GNPTG: variants seen among roughly 807,000 people sequenced by gnomAD.
GNPTG encodes the protein N-acetylglucosamine-1-phosphate transferase subunit gamma, also known as N-acetylglucosamine-1-phosphotransferase subunit gamma.
GNPTG carries 46 observed loss-of-function variants against 43.8 expected under a neutral mutation model. That is an observed-to-expected ratio of 1.05 (90% CI 0.83 to 1.34). The LOEUF (loss-of-function observed/expected upper bound fraction) is 1.34. GNPTG is among the 40% of genes most tolerant of loss of function. The pLI is 0.00. For synonymous variants in GNPTG, 250 were observed against 172.8 expected, an observed-to-expected ratio of 1.45 and a Z score of -3.50; for missense variants, 549 against 411.3, an observed-to-expected ratio of 1.33 and a Z score of -2.90.
In GNPTG at chr16:1,356,510, C is replaced by T. The variant is rs572412250; in HGVS notation, c.178+4204C>T. On this transcript the variant is annotated intron_variant, in intron 3 of 10. Transcript: ENST00000204679. ...TGAGGGCCAGGCGGAGGGGAGGGGCCGTGGCCGGGGTTCTGGTGTGGGCCA... is the reference window on the plus strand; with the variant it reads ...TGAGGGCCAGGCGGAGGGGAGGGGCTGTGGCCGGGGTTCTGGTGTGGGCCA... Among the ~76,000 whole-genome samples, 135 of 152,226 alleles carry T rather than the reference C, an allele frequency of 8.9e-4. 1 individual carries two copies. Among genetic ancestry groups the T allele is most frequent in the South Asian group, 4.4e-3 (21 of 4,826 alleles).
chr16:1,359,458 T>C (rs1490999663), intron 3 of GNPTG, among the ~76,000 whole-genome samples: 1 of 150,294 alleles, frequency 6.7e-6, no homozygotes, highest in African/African-American at 2.4e-5. Context: ...TTATTAGAGA[T>C]CAGGTTTCAC....
In GNPTG at chr16:1,363,238, A is replaced by T; in HGVS notation, c.*147A>T. ...AAGGTTTTAATTAATTCCCATACTGATAAAAATAACTCCATGAATTCTGTA... is the reference window on the plus strand; with the variant it reads ...AAGGTTTTAATTAATTCCCATACTGTTAAAAATAACTCCATGAATTCTGTA... On this transcript the variant is annotated 3_prime_UTR_variant, in exon 11 of 11. Coordinates refer to ENST00000204679, the MANE Select transcript of GNPTG (RefSeq NM_032520.5). 2.8e-6 allele frequency: 2 copies of T among 716,242 alleles called. No individual in the cohort carries two copies. The highest frequency in any genetic ancestry group is 3.1e-5 in the South Asian group (2 of 65,104). The allele number at this position is 716,242 out of a possible 1,614,324, so 44.4% of individuals were successfully genotyped here.
intron 3 of GNPTG, among the ~76,000 whole-genome samples, chr16:1,355,368 T>C (rs2034758661): frequency 6.6e-6 from 1 of 152,152 alleles, no homozygotes; most frequent in Admixed American, 6.5e-5. Flanking sequence ...ATAATCAGGC[T>C]GAGAAACTCA....
chr16:1,363,398 T>TG lies in GNPTG; in HGVS notation c.*307_*308insG. 1 of 389,442 alleles carries TG rather than the reference T, an allele frequency of 2.6e-6. No homozygotes were observed. Among genetic ancestry groups the TG allele is most frequent in the Non-Finnish European group, 4.9e-6 (1 of 204,748 alleles). The allele number at this position is 389,442 out of a possible 1,614,324, so 24.1% of individuals were successfully genotyped here. Reference sequence around the variant, plus strand: ...CATTCAAATAACATTCTCATGTAAATACTCAAACATACAGATTGAGGCTTC... The same window carrying TG: ...CATTCAAATAACATTCTCATGTAAATGACTCAAACATACAGATTGAGGCTTC... On this transcript the variant is annotated 3_prime_UTR_variant, in exon 11 of 11. Coordinates refer to ENST00000204679, the MANE Select transcript of GNPTG (RefSeq NM_032520.5).
intron 3 of GNPTG, among the ~76,000 whole-genome samples, chr16:1,359,371 G>A (rs969091517): frequency 1.3e-5 from 2 of 151,376 alleles, no homozygotes; most frequent in Non-Finnish European, 2.9e-5. Context: ...CAGGCTCAAG[G>A]AATTCTCCTG....
intron 3 of GNPTG, among the ~76,000 whole-genome samples, chr16:1,352,683 ATC>A (rs2034706098): frequency 6.6e-6 from 1 of 151,858 alleles, no homozygotes. Flanking sequence ...CACTCGCTGT[ATC>A]TCTCGGGACG....
rs2034994760 is a variant in GNPTG, at chr16:1,363,483, A to C, written c.*392A>C. The C allele has an allele frequency of 3.1e-6, 1 of 319,894 alleles. No homozygotes were observed. Among genetic ancestry groups the C allele is most frequent in the South Asian group, 2.6e-5 (1 of 39,156 alleles). The allele number at this position is 319,894 out of a possible 1,614,324, so 19.8% of individuals were successfully genotyped here. On this transcript the variant is annotated 3_prime_UTR_variant, in exon 11 of 11. Transcript: ENST00000204679. ...CAAGGTCTGCTGACCACAGTTACAC[A>C]CGTCGTGACACCACTGTATCACGGC... is the stretch of plus-strand genomic sequence containing the variant.
chr16:1,361,965 G>A lies in GNPTG; in HGVS notation c.317+10G>A. The stretch of plus-strand genomic sequence containing the variant: ...ACAGTGGGATCCTCGGGTGAGTGGG[G>A]CCGGGGCAGGGATCCCAAAGCAGCA... On this transcript the variant is annotated intron_variant, in intron 5 of 10. Coordinates refer to ENST00000204679, the MANE Select transcript of GNPTG (RefSeq NM_032520.5). The A allele has an allele frequency of 6.2e-7, 1 of 1,613,416 alleles. No individual in the cohort carries two copies. The highest frequency in any genetic ancestry group is 8.5e-7 in the Non-Finnish European group (1 of 1,180,044).
rs1306797118 is a variant in GNPTG, at chr16:1,363,182, G to GTC, written c.*92_*93insCT. ...CCGCAGGGACCAGCTGACCAGGCTT[G>GTC]TGCTCAGAGAAGCAGACAAAACAAA... On this transcript the variant is annotated 3_prime_UTR_variant, in exon 11 of 11. Transcript: ENST00000204679. 2.7e-6 allele frequency: 3 copies of GTC among 1,092,200 alleles called. No homozygotes were observed. The African/African-American group carries it at 4.7e-5, about 17-fold the overall frequency. 67.7% of individuals were successfully genotyped at this position (1,092,200 alleles called of 1,614,324 possible). A position where few individuals can be genotyped will look rare whatever the true frequency, so the allele number is the denominator to read the frequency against.
chr16:1,361,650 A>C (rs1031870644), intron 3 of GNPTG, 93 bp from the exon 4 acceptor site: 1 of 1,412,398 alleles, frequency 7.1e-7, no homozygotes, highest in Admixed American at 1.8e-5. Context: ...TCTCAAAAAA[A>C]AAGAAAACTG....
chr16:1,361,599 A>C lies in GNPTG; in HGVS notation c.179-144A>C, dbSNP rs954707604. 1.1e-5 allele frequency: 9 copies of C among 800,324 alleles called. No individual in the cohort carries two copies. In the Admixed American group the frequency reaches 1.6e-4, roughly 15 times the overall value. 49.6% of individuals were successfully genotyped at this position (800,324 alleles called of 1,614,324 possible). On this transcript the variant is annotated intron_variant, in intron 3 of 10. Coordinates refer to ENST00000204679, the MANE Select transcript of GNPTG (RefSeq NM_032520.5). ...GCGGAGCTTGAAGTGAGCCAAGATC[A>C]TGCCACTGCACTCCAGCCTGGGTGA... is the stretch of plus-strand genomic sequence containing the variant.
intron 8 of GNPTG, 28 bp downstream of exon 8, chr16:1,362,562 G>C (rs769398814): frequency 6.2e-7 from 1 of 1,614,040 alleles, no homozygotes; most frequent in Non-Finnish European, 8.5e-7. Flanking sequence ...GTGGCCCCTG[G>C]TGGGCCTGGC....
rs530168362 is a variant in GNPTG at position 1,361,459 on chromosome 16, G to A, written c.179-284G>A. The A allele has an allele frequency of 4.8e-4, 187 of 387,094 alleles. 1 individual carries two copies. The East Asian group carries it at 9.0e-3, about 19-fold the overall frequency. The allele number at this position is 387,094 out of a possible 1,614,324, so 24.0% of individuals were successfully genotyped here. The stretch of plus-strand genomic sequence containing the variant: ...GGAGATCGAGACCATCCTGGCTAAC[G>A]CGGTGAAACCCCGTCTCTACTAAAA... On this transcript the variant is annotated intron_variant, in intron 3 of 10. Transcript: ENST00000204679.
rs942231885 is a variant in GNPTG, at chr16:1,362,879, C to G, written c.796C>G (p.His266Asp). The change falls in exon 10 of 11, where the codon CAC (histidine) becomes GAC (aspartate). Residue 266 changes from histidine (H) to aspartate (D), a missense_variant. By Grantham distance (81) the His-to-Asp change is moderately conservative. Transcript: ENST00000204679. ...IKRLKGLLTQ[H>D]GIPYTRPTET... The stretch of plus-strand genomic sequence containing the variant: ...AAGGCTGAAAGGTTTGCTCACCCAG[C>G]ACGGCATCCCCTACACGAGGCCCAC... 6.2e-7 allele frequency: 1 copy of G among 1,613,756 alleles called. No homozygotes were observed. Among genetic ancestry groups the G allele is most frequent in the African/African-American group, 1.3e-5 (1 of 74,846 alleles).
At chr16:1,361,685 G>GTCTT (rs1408502849) in intron 3 of GNPTG, 58 bp from the exon 4 acceptor site, 3 of 1,583,654 alleles carry the variant, frequency 1.9e-6, no homozygotes, top group African/African-American at 2.7e-5. Flanking sequence ...GACTCTGCCA[G>GTCTT]TCTTTGCAGA....
chr16:1,362,108 C>A lies in GNPTG; in HGVS notation c.388C>A (p.Arg130Ser). ...GMWMRDGDAC[R>S]SRSRQSKVEL... ...GTGGATGAGGGACGGTGACGCCTGCCGTTCCCGGAGCCGGCAGAGCAAGGT... is the reference window on the plus strand; with the variant it reads ...GTGGATGAGGGACGGTGACGCCTGCAGTTCCCGGAGCCGGCAGAGCAAGGT... The change falls in exon 6 of 11, where the codon CGT (arginine) becomes AGT (serine). Residue 130 changes from arginine to serine, a missense_variant. Coordinates refer to ENST00000204679, the MANE Select transcript of GNPTG (RefSeq NM_032520.5). 2 of 1,612,338 alleles carry A rather than the reference C, an allele frequency of 1.2e-6. No individual in the cohort carries two copies. The highest frequency in any genetic ancestry group is 4.5e-5 in the East Asian group (2 of 44,792).
At position 1,363,130 on chromosome 16, in the gene GNPTG, C is replaced by A; in HGVS notation, c.*39C>A. Reference sequence around the variant, plus strand: ...GAGCAGAGGTGGACGCGGCCGAGAGCCCTACAGAGAAGCTGGCTGGTAGGA... The same window carrying A: ...GAGCAGAGGTGGACGCGGCCGAGAGACCTACAGAGAAGCTGGCTGGTAGGA... On this transcript the variant is annotated 3_prime_UTR_variant, in exon 11 of 11. Coordinates refer to ENST00000204679, the MANE Select transcript of GNPTG (RefSeq NM_032520.5). The A allele has an allele frequency of 6.3e-7, 1 of 1,584,630 alleles. No individual in the cohort carries two copies.
intron 3 of GNPTG, among the ~76,000 whole-genome samples, chr16:1,355,524 C>T (rs1475214273): frequency 6.6e-5 from 10 of 151,946 alleles, no homozygotes; most frequent in South Asian, 2.1e-4. Flanking sequence ...CCAGATGAGT[C>T]GGGAGCCTCG....
chr16:1,360,137 A>G (rs1423841310), intron 3 of GNPTG, among the ~76,000 whole-genome samples: 1 of 151,670 alleles, frequency 6.6e-6, no homozygotes, highest in African/African-American at 2.4e-5. Context: ...TGGATGTCTC[A>G]TGTCAGCTTT....
Sources: allele counts gnomAD v4.1 joint callset (sites outside exome capture counted in the v4.1 genomes callset), GRCh38; gene constraint gnomAD v4.1.1; transcripts MANE v1.5; gene names NCBI Gene and HGNC (gene_info 2026-07-23, HGNC 2026-07-21).